ADCY2: variants seen among roughly 807,000 people sequenced by gnomAD.
The protein encoded by ADCY2 is adenylate cyclase type 2.
A neutral mutation model predicts 125.2 loss-of-function variants in ADCY2; 31 were observed. The ratio of observed to expected loss-of-function variants is 0.25; its 90% CI spans 0.19 to 0.33. The LOEUF (loss-of-function observed/expected upper bound fraction) is 0.33, where lower values mean the gene tolerates loss of function less well. Among genes scored for constraint, ADCY2 ranks in the 10% least tolerant of loss-of-function variants. The probability of loss-of-function intolerance (pLI) is 1.00; values close to 1 mark genes in which losing one functional copy is unlikely to be tolerated. For synonymous variants in ADCY2, 512 were observed against 548.4 expected (o/e 0.93, Z 0.93); for missense variants, 904 against 1,418.2 (o/e 0.64, Z 5.82).
At chr5:7,673,742 G>A (rs1183898824) in intron 4 of ADCY2, among the ~76,000 whole-genome samples, 4 of 152,196 alleles carry the variant, frequency 2.6e-5, no homozygotes, top group Non-Finnish European at 4.4e-5. Context: ...AAGAGGTGGG[G>A]GACAGGGGAA....
chr5:7,577,069 T>C (rs1469665324), intron 3 of ADCY2, among the ~76,000 whole-genome samples: 1 of 152,228 alleles, frequency 6.6e-6, no homozygotes, highest in Non-Finnish European at 1.5e-5. Flanking sequence ...ATGATTCTGT[T>C]TTCCTTTAGT....
intron 3 of ADCY2, among the ~76,000 whole-genome samples, chr5:7,542,866 T>C (rs1735037521): frequency 6.6e-6 from 1 of 152,194 alleles, no homozygotes; most frequent in South Asian, 2.1e-4. Flanking sequence ...CATAAAACTA[T>C]CACATTCCAC....
intron 15 of ADCY2, among the ~76,000 whole-genome samples, chr5:7,746,578 A>G (rs1324606636): frequency 1.3e-5 from 2 of 152,196 alleles, no homozygotes; most frequent in African/African-American, 4.8e-5. Flanking sequence ...TCACTTCCTA[A>G]GTGCTCATTC....
At chr5:7,689,534 G>C (rs1205831216) in intron 4 of ADCY2, among the ~76,000 whole-genome samples, 2 of 152,156 alleles carry the variant, frequency 1.3e-5, no homozygotes, top group African/African-American at 4.8e-5. Flanking sequence ...ATGGAGGGAT[G>C]AGCGGGGAGA....
intron 2 of ADCY2, among the ~76,000 whole-genome samples, chr5:7,427,430 C>G (rs1031283383): frequency 6.6e-6 from 1 of 152,150 alleles, no homozygotes; most frequent in Admixed American, 6.5e-5. Flanking sequence ...ACCTTCTTCA[C>G]AAGACAGCAG....
chr5:7,578,472 A>C (rs192240246), intron 3 of ADCY2, among the ~76,000 whole-genome samples: 387 of 152,270 alleles, frequency 2.5e-3, no homozygotes, highest in Non-Finnish European at 4.0e-3. Context: ...TTTGCTGCCT[A>C]GGTATTTTTA....
At chr5:7,544,828 A>G (rs1484503733) in intron 3 of ADCY2, among the ~76,000 whole-genome samples, 1 of 152,172 alleles carries the variant, frequency 6.6e-6, no homozygotes, top group African/African-American at 2.4e-5. Flanking sequence ...GAGAAAAGGG[A>G]ATCATGCAGA....
chr5:7,454,993 G>A (rs765543737), intron 2 of ADCY2, among the ~76,000 whole-genome samples: 34 of 152,118 alleles, frequency 2.2e-4, no homozygotes, highest in Non-Finnish European at 4.3e-4. Flanking sequence ...GAATGTAAAA[G>A]TGAAGTTGCT....
intron 3 of ADCY2, among the ~76,000 whole-genome samples, chr5:7,617,832 C>A (rs1737816392): frequency 6.6e-6 from 1 of 152,164 alleles, no homozygotes; most frequent in Non-Finnish European, 1.5e-5. Flanking sequence ...GCATTTGATT[C>A]TATCAAGGGA....
intron 12 of ADCY2, among the ~76,000 whole-genome samples, chr5:7,719,507 G>A (rs1741696106): frequency 6.6e-6 from 1 of 152,158 alleles, no homozygotes; most frequent in Non-Finnish European, 1.5e-5. Context: ...GGGGCTCCAG[G>A]CTTGATGTAC....
intron 2 of ADCY2, among the ~76,000 whole-genome samples, chr5:7,501,934 C>T (rs545877463): frequency 1.3e-5 from 2 of 152,090 alleles, no homozygotes; most frequent in African/African-American, 4.8e-5. Context: ...TTCATCCAGA[C>T]GCAGAGAGTC....
At chr5:7,404,002 A>G (rs1739374169) in intron 1 of ADCY2, among the ~76,000 whole-genome samples, 1 of 151,774 alleles carries the variant, frequency 6.6e-6, no homozygotes, top group Non-Finnish European at 1.5e-5. Context: ...TGTAATAAGT[A>G]TTGTTGGTTG....
At chr5:7,678,571 C>T (rs2126712002) in intron 4 of ADCY2, among the ~76,000 whole-genome samples, 1 of 152,284 alleles carries the variant, frequency 6.6e-6, no homozygotes, top group Admixed American at 6.5e-5. Context: ...TATTTATATA[C>T]ATCTTCCAAT....
At chr5:7,415,439 A>C (rs1739901680) in intron 2 of ADCY2, among the ~76,000 whole-genome samples, 1 of 152,174 alleles carries the variant, frequency 6.6e-6, no homozygotes. Context: ...TACATCTCGA[A>C]CCACAGTTTC....
chr5:7,451,248 G>A (rs1353365138), intron 2 of ADCY2, among the ~76,000 whole-genome samples: 1 of 152,248 alleles, frequency 6.6e-6, no homozygotes, highest in East Asian at 1.9e-4. Flanking sequence ...CACCATTCCA[G>A]ATGCCATTAA....
At chr5:7,403,780 A>G (rs1469363620) in intron 1 of ADCY2, among the ~76,000 whole-genome samples, 1 of 151,954 alleles carries the variant, frequency 6.6e-6, no homozygotes, top group Non-Finnish European at 1.5e-5. Flanking sequence ...TCATTTACCT[A>G]TTTTTTCCTT....
At chr5:7,704,540 A>C (rs574628616) in intron 7 of ADCY2, among the ~76,000 whole-genome samples, 1 of 152,154 alleles carries the variant, frequency 6.6e-6, no homozygotes, top group African/African-American at 2.4e-5. Flanking sequence ...AATGACTTCA[A>C]CGTTTTTCTA....
At chr5:7,609,303 G>T (rs1002236542) in intron 3 of ADCY2, among the ~76,000 whole-genome samples, 2 of 152,226 alleles carry the variant, frequency 1.3e-5, no homozygotes, top group Non-Finnish European at 2.9e-5. Context: ...AGATTGAATT[G>T]ATTTAGGGCA....
chr5:7,703,500 GT>G (rs1427409897), intron 7 of ADCY2, among the ~76,000 whole-genome samples: 2 of 151,974 alleles, frequency 1.3e-5, no homozygotes, highest in African/African-American at 4.8e-5. Flanking sequence ...CCCATTTCTT[GT>G]TTTTGTCAGG....
Sources: allele counts gnomAD v4.1 joint callset (sites outside exome capture counted in the v4.1 genomes callset), GRCh38; gene constraint gnomAD v4.1.1; transcripts MANE v1.5; gene names NCBI Gene and HGNC (gene_info 2026-07-23, HGNC 2026-07-21).